Variants in DNAH12 observed in about 807,000 individuals in gnomAD.
The protein encoded by DNAH12 is dynein axonemal heavy chain 12.
A neutral mutation model predicts 371.5 loss-of-function variants in DNAH12; 285 were observed. The observed-to-expected ratio is 0.77, with a 90% CI of 0.70 to 0.85. The LOEUF is 0.85. DNAH12 is among the 40% of genes least tolerant of loss of function. The probability of loss-of-function intolerance (pLI) is 0.00; values close to 1 mark genes in which losing one functional copy is unlikely to be tolerated. For missense variants in DNAH12, 3,611 were observed against 3,689.4 expected, an observed-to-expected ratio of 0.98 and a Z score of 0.55; for synonymous variants, 1,200 against 1,213.0, an observed-to-expected ratio of 0.99 and a Z score of 0.22.
At position 57,309,142 on chromosome 3, in the gene DNAH12, G is replaced by A; in HGVS notation, c.11189+9C>T. On this transcript the variant is annotated intron_variant, in intron 69 of 73. Coordinates refer to ENST00000495027, the MANE Select transcript of DNAH12 (RefSeq NM_001366028.2). ...TGCCTTCTGAATCACTGGGGATATAGATCCTTACTTGTTAAATCTTTCCAT... is the reference window on the plus strand; with the variant it reads ...TGCCTTCTGAATCACTGGGGATATAAATCCTTACTTGTTAAATCTTTCCAT... The A allele has an allele frequency of 4.0e-6, 6 of 1,517,994 alleles. No homozygotes were observed. The highest frequency in any genetic ancestry group is 5.3e-6 in the Non-Finnish European group (6 of 1,125,910). 94.0% of individuals were successfully genotyped at this position (1,517,994 alleles called of 1,614,324 possible).
intron 44 of DNAH12, among the ~76,000 whole-genome samples, chr3:57,393,670 A>G (rs1402084995): frequency 2.0e-5 from 3 of 151,046 alleles, no homozygotes; most frequent in Admixed American, 1.3e-4. Context: ...GAAAAAGAAA[A>G]AGAAAAAGAA....
intron 13 of DNAH12, among the ~76,000 whole-genome samples, chr3:57,475,344 G>C (rs1321000410): frequency 2.0e-5 from 3 of 151,996 alleles, no homozygotes; most frequent in Non-Finnish European, 4.4e-5. Context: ...AAGAGAGAAA[G>C]AGAGAGACAA....
At chr3:57,477,318 C>T (rs868695012) in intron 13 of DNAH12, among the ~76,000 whole-genome samples, 5 of 152,256 alleles carry the variant, frequency 3.3e-5, no homozygotes, top group African/African-American at 1.2e-4. Flanking sequence ...CACGGAGCCT[C>T]ACTCATTGCT....
chr3:57,453,938 GTC>G (rs1481296270), intron 23 of DNAH12, among the ~76,000 whole-genome samples: 2 of 151,980 alleles, frequency 1.3e-5, no homozygotes, highest in African/African-American at 4.8e-5. Flanking sequence ...AGAGACCCCT[GTC>G]TCTATAAAAA....
intron 58 of DNAH12, among the ~76,000 whole-genome samples, chr3:57,358,469 C>T (rs2062849556): frequency 6.6e-6 from 1 of 152,122 alleles, no homozygotes; most frequent in South Asian, 2.1e-4. Context: ...GATGTATGTC[C>T]TATAATTGAG....
chr3:57,328,239 C>T (rs1348538581), intron 62 of DNAH12, among the ~76,000 whole-genome samples: 1 of 151,522 alleles, frequency 6.6e-6, no homozygotes, highest in African/African-American at 2.4e-5. Flanking sequence ...GATACCAAAG[C>T]CTGGCAGAGA....
At chr3:57,415,699 A>T (rs1443972202) in intron 37 of DNAH12, 135 bp from the exon 38 acceptor site, 2 of 818,634 alleles carry the variant, frequency 2.4e-6, no homozygotes, top group African/African-American at 3.6e-5. Flanking sequence ...ACCTATAGTT[A>T]TTTCATGAAA....
chr3:57,544,009 C>G (rs1390778278), intron 1 of DNAH12, among the ~76,000 whole-genome samples, 188 bp downstream of exon 1: 4 of 152,078 alleles, frequency 2.6e-5, no homozygotes, highest in Admixed American at 6.5e-5. Flanking sequence ...ATCCCGCTAC[C>G]GCACTTCAGC....
In DNAH12 at chr3:57,425,108, C is replaced by T; in HGVS notation, c.5287G>A (p.Val1763Ile). The change falls in exon 35 of 74, where the codon GTA (valine) becomes ATA (isoleucine). Residue 1763 changes from valine (V) to isoleucine (I), a missense_variant. Around this residue, in one of 3 missense-constraint regions of DNAH12, gnomAD observed 2,266 missense variants for 2,236.9 expected, o/e 1.01. Coordinates refer to ENST00000495027, the MANE Select transcript of DNAH12 (RefSeq NM_001366028.2). Reference protein sequence around the residue: ...LIPTSNSNVVVSLTRLFEVLL... With the variant: ...LIPTSNSNVVISLTRLFEVLL... ...ACTTCAAAGAGGCGTGTGAGAGATACAACCACGTTGCTGTTGCTTGTAGGA... is the reference window on the plus strand; with the variant it reads ...ACTTCAAAGAGGCGTGTGAGAGATATAACCACGTTGCTGTTGCTTGTAGGA... 3 of 702,772 alleles carry T rather than the reference C, an allele frequency of 4.3e-6. No individual in the cohort carries two copies. The East Asian group carries it at 8.1e-5, about 19-fold the overall frequency. 43.5% of individuals were successfully genotyped at this position (702,772 alleles called of 1,614,324 possible). A position where few individuals can be genotyped will look rare whatever the true frequency, so the allele number is the denominator to read the frequency against.
At chr3:57,439,361 C>A (rs2065235153) in intron 29 of DNAH12, among the ~76,000 whole-genome samples, 1 of 152,130 alleles carries the variant, frequency 6.6e-6, no homozygotes, top group African/African-American at 2.4e-5. Context: ...GTGACACAGA[C>A]CAATAGAATG....
intron 25 of DNAH12, among the ~76,000 whole-genome samples, chr3:57,447,450 C>T (rs150721837): frequency 0.026 from 3,919 of 152,098 alleles, 69 homozygotes; most frequent in Non-Finnish European, 0.034. Flanking sequence ...AGAAAAAGTA[C>T]GGCTAAGTGA....
Position 57,424,470 on chromosome 3 carries a change from CA to C in DNAH12, c.5373+551del, listed in dbSNP as rs71088068. Among the ~76,000 whole-genome samples the C allele has an allele frequency of 3.6e-3, 431 of 118,342 alleles. 3 individuals are homozygous for C. Among genetic ancestry groups the C allele is most frequent in the Admixed American group, 7.4e-3 (84 of 11,286 alleles). The allele number at this position is 118,342 out of a possible 152,430, so 77.6% of individuals were successfully genotyped here. A position where few individuals can be genotyped will look rare whatever the true frequency, so the allele number is the denominator to read the frequency against. On this transcript the variant is annotated intron_variant, in intron 35 of 73. Transcript: ENST00000495027. ...TGGGCAACAGGGCAAGATTCCATCT[CA>C]AAAAAAAAAAAAAAATTGGATAGTT...
intron 69 of DNAH12, among the ~76,000 whole-genome samples, chr3:57,303,142 A>G (rs1374103609): frequency 6.6e-6 from 1 of 151,462 alleles, no homozygotes; most frequent in Non-Finnish European, 1.5e-5. Flanking sequence ...GATCGAGACC[A>G]TCCTGGCTAA....
intron 13 of DNAH12, among the ~76,000 whole-genome samples, chr3:57,473,999 T>C (rs972295437): frequency 6.6e-6 from 1 of 152,142 alleles, no homozygotes; most frequent in Non-Finnish European, 1.5e-5. Flanking sequence ...CAAAAGTACC[T>C]GTATAAAACC....
intron 66 of DNAH12, 98 bp from the exon 67 acceptor site, chr3:57,311,048 G>T: frequency 1.2e-6 from 1 of 851,992 alleles, no homozygotes; most frequent in Non-Finnish European, 1.8e-6. Context: ...GGGGTTGAAA[G>T]AATTATCATG....
chr3:57,377,292 T>C (rs1428598028), intron 52 of DNAH12, 70 bp from the exon 53 acceptor site: 1 of 152,154 alleles, frequency 6.6e-6, no homozygotes, highest in African/African-American at 2.4e-5. Context: ...ATTCCTCCCT[T>C]ATAAATATTA....
upstream of DNAH12, among the ~76,000 whole-genome samples, chr3:57,545,831 C>T (rs547204413): frequency 6.6e-6 from 1 of 152,266 alleles, no homozygotes; most frequent in South Asian, 2.1e-4. Context: ...CAGACCTCCT[C>T]CTCACTCACA....
In DNAH12 at chr3:57,483,523, C is replaced by T. The variant is rs1275423106; in HGVS notation, c.1515-12G>A. 3.9e-6 allele frequency: 6 copies of T among 1,543,382 alleles called. No individual in the cohort carries two copies. Among genetic ancestry groups the T allele is most frequent in the Non-Finnish European group, 5.2e-6 (6 of 1,145,012 alleles). The stretch of plus-strand genomic sequence containing the variant: ...ATTCACTGCAAATACTGACATAATA[C>T]TCTGCTTTAATAGACTTATGGCAAT... On this transcript the variant is annotated splice_polypyrimidine_tract_variant and intron_variant, in intron 12 of 73. Transcript: ENST00000495027.
chr3:57,406,680 T>C (rs2064038249), intron 40 of DNAH12, among the ~76,000 whole-genome samples: 1 of 152,164 alleles, frequency 6.6e-6, no homozygotes, highest in South Asian at 2.1e-4. Flanking sequence ...TGAAATAATT[T>C]TCTTGTTACT....
Sources: allele counts gnomAD v4.1 joint callset (sites outside exome capture counted in the v4.1 genomes callset), GRCh38; gene constraint gnomAD v4.1.1; regional missense constraint gnomAD v4.1.1; transcripts MANE v1.5; gene names NCBI Gene and HGNC (gene_info 2026-07-23, HGNC 2026-07-21).